Variants in FAF1 observed in about 807,000 individuals in gnomAD.
FAF1 encodes FAS-associated factor 1.
Under a neutral mutation model 92.5 loss-of-function variants are expected in FAF1, and 25 were observed. The observed-to-expected ratio is 0.27, with a 90% CI of 0.20 to 0.38. The LOEUF (loss-of-function observed/expected upper bound fraction) is 0.38. FAF1 is among the 10% of genes least tolerant of loss of function. The pLI is 1.00. For missense variants in FAF1, 636 were observed against 793.3 expected (o/e 0.80, Z 2.38); for synonymous variants, 234 against 273.2 (o/e 0.86, Z 1.42).
intron 1 of FAF1, among the ~76,000 whole-genome samples, chr1:50,953,590 T>C (rs1005584905): frequency 5.9e-5 from 9 of 151,656 alleles, no homozygotes; most frequent in Admixed American, 1.3e-4. Flanking sequence ...GTACAAAAAT[T>C]AGCCAGGCGT....
chr1:50,554,390 T>TATATATAGAGAGAGAGAGAGAGAG, intron 13 of FAF1, among the ~76,000 whole-genome samples: 27 of 93,684 alleles, frequency 2.9e-4, no homozygotes, highest in African/African-American at 8.5e-4. Flanking sequence ...TATATATATA[T>TATATATAGAGAGAGAGAGAGAGAG]AGAGAGAGAG....
chr1:50,639,566 CAAT>C (rs1320253583), intron 8 of FAF1, among the ~76,000 whole-genome samples: 5 of 152,264 alleles, frequency 3.3e-5, no homozygotes, highest in African/African-American at 1.2e-4. Flanking sequence ...AGATAAATCC[CAAT>C]GATGATGCAT....
chr1:50,542,276 G>A (rs1053748982), intron 13 of FAF1, among the ~76,000 whole-genome samples: 1 of 152,184 alleles, frequency 6.6e-6, no homozygotes, highest in South Asian at 2.1e-4. Flanking sequence ...GTATGAAATT[G>A]TAAAAATTCC....
chr1:50,644,195 C>G (rs997734474), intron 8 of FAF1, among the ~76,000 whole-genome samples: 3 of 152,144 alleles, frequency 2.0e-5, no homozygotes, highest in Non-Finnish European at 4.4e-5. Flanking sequence ...TCTTTTTAAG[C>G]TTTTAAAAAG....
chr1:50,560,072 T>G (rs1649826280), intron 13 of FAF1, among the ~76,000 whole-genome samples: 1 of 152,160 alleles, frequency 6.6e-6, no homozygotes. Context: ...CTCCTGTGTC[T>G]CCCATGCAGA....
chr1:50,663,148 G>C, intron 7 of FAF1, among the ~76,000 whole-genome samples: 1 of 151,580 alleles, frequency 6.6e-6, no homozygotes, highest in Middle Eastern at 3.2e-3. Context: ...AAAAACACAA[G>C]TTTATAGAAA....
rs371542925 is a variant in FAF1 at position 50,891,762 on chromosome 1, GC to G, written c.46-33766del. Among the ~76,000 whole-genome samples the G allele has an allele frequency of 1.8e-4, 28 of 152,312 alleles. No individual in the cohort carries two copies. The South Asian group carries it at 4.6e-3, about 25-fold the overall frequency. On this transcript the variant is annotated intron_variant, in intron 1 of 18. Transcript: ENST00000396153. ...ACCCAGCCGTGTGAGGTGTCAGTCT[GC>G]CCCTACTGGGGCCTACCTCCCAGTT...
intron 13 of FAF1, among the ~76,000 whole-genome samples, chr1:50,545,910 C>T (rs1648992443): frequency 6.6e-6 from 1 of 152,222 alleles, no homozygotes; most frequent in East Asian, 1.9e-4. Flanking sequence ...CACCAGTAAT[C>T]CCAGCACTTT....
At chr1:50,784,994 C>A (rs1244466608) in intron 4 of FAF1, among the ~76,000 whole-genome samples, 4 of 151,842 alleles carry the variant, frequency 2.6e-5, no homozygotes, top group East Asian at 1.9e-4. Flanking sequence ...GAACTTGGAA[C>A]CTCATAACCT....
At chr1:50,763,656 C>T (rs1569906608) in intron 4 of FAF1, among the ~76,000 whole-genome samples, 1 of 152,098 alleles carries the variant, frequency 6.6e-6, no homozygotes, top group Non-Finnish European at 1.5e-5. Context: ...GTTTTTATTG[C>T]TATGTCTTCA....
chr1:50,561,851 AAGGAAG>A (rs1649924135), intron 13 of FAF1, among the ~76,000 whole-genome samples: 1 of 111,120 alleles, frequency 9.0e-6, no homozygotes, highest in African/African-American at 4.4e-5. Context: ...GGATGGACGG[AAGGAAG>A]GAAGGAAGGA....
chr1:50,577,727 T>A (rs1650817786), intron 12 of FAF1, among the ~76,000 whole-genome samples: 4 of 152,218 alleles, frequency 2.6e-5, no homozygotes, highest in Admixed American at 2.6e-4. Context: ...TAAACATTTA[T>A]AGCCCTCAAC....
chr1:50,768,914 T>C (rs1219627842), intron 4 of FAF1, among the ~76,000 whole-genome samples: 1 of 151,810 alleles, frequency 6.6e-6, no homozygotes, highest in Non-Finnish European at 1.5e-5. Context: ...ATTACAAAGT[T>C]AGGAGAAGAC....
At chr1:50,931,887 T>TAA (rs1418463291) in intron 1 of FAF1, among the ~76,000 whole-genome samples, 1 of 31,700 alleles carries the variant, frequency 3.2e-5, no homozygotes. Flanking sequence ...AATAAATAAA[T>TAA]AAATAATAAT....
intron 7 of FAF1, among the ~76,000 whole-genome samples, chr1:50,691,131 A>G (rs935926313): frequency 3.3e-5 from 5 of 152,202 alleles, no homozygotes; most frequent in African/African-American, 4.8e-5. Context: ...CATGTTTAAC[A>G]TGTTGAGGAA....
chr1:50,830,957 A>G (rs17106371), intron 2 of FAF1, among the ~76,000 whole-genome samples: 2 of 152,278 alleles, frequency 1.3e-5, no homozygotes, highest in East Asian at 1.9e-4. Flanking sequence ...AATATACTTG[A>G]CCCATCATTT....
rs1363413656 is a variant in FAF1 at position 50,584,740 on chromosome 1, C to T, written c.912G>A (p.Val304=). Residue 304 remains valine, a synonymous_variant, in exon 10 of 19, where the codon GTG becomes GTA. Transcript: ENST00000396153. ...CCATGCCAAATACTTCTCCATCATC[C>T]ACCCCAAATTCTGTAGCATCTTCAA... is the stretch of plus-strand genomic sequence containing the variant. ...DDFEDATEFG[V]DDGEVFGMAS... 6.2e-7 allele frequency: 1 copy of T among 1,613,628 alleles called. No homozygotes were observed. Among genetic ancestry groups the T allele is most frequent in the South Asian group, 1.1e-5 (1 of 91,070 alleles).
intron 1 of FAF1, among the ~76,000 whole-genome samples, chr1:50,917,703 A>AAAGGAAAGGAAAGGAAAG (rs1419508834): frequency 1.4e-4 from 18 of 127,780 alleles, no homozygotes; most frequent in African/African-American, 4.2e-4. Flanking sequence ...GGAAAGGAAA[A>AAAGGAAAGGAAAGGAAAG]GAAAGAAAAC....
At chr1:50,584,057 T>G (rs1008128155) in intron 10 of FAF1, among the ~76,000 whole-genome samples, 3 of 152,136 alleles carry the variant, frequency 2.0e-5, no homozygotes, top group African/African-American at 7.2e-5. Flanking sequence ...CTAAATTATA[T>G]TAAATGGGTC....
Sources: gnomAD v4.1 joint callset for allele counts (sites outside exome capture counted in the v4.1 genomes callset) on GRCh38, gnomAD v4.1.1 for gene constraint, MANE v1.5 for transcripts, NCBI Gene and HGNC (gene_info 2026-07-23, HGNC 2026-07-21) for gene names.